The following PDCD1 variants were observed in gnomAD, a reference collection of about 807,000 sequenced individuals.
The protein encoded by PDCD1 is programmed cell death 1.
A neutral mutation model predicts 23.6 loss-of-function variants in PDCD1; 10 were observed. That is an observed-to-expected ratio of 0.42 (90% CI 0.26 to 0.72). The LOEUF is 0.72. PDCD1 is among the 30% of genes least tolerant of loss of function. PDCD1 has a pLI of 0.24. For synonymous variants in PDCD1, 168 were observed against 169.3 expected (o/e 0.99, Z 0.06); for missense variants, 313 against 397.8 (o/e 0.79, Z 1.81).
intron 1 of PDCD1, among the ~76,000 whole-genome samples, chr2:241,858,394 CATTCTACAGAA>C (rs1475978617): frequency 6.6e-6 from 1 of 152,222 alleles, no homozygotes; most frequent in Non-Finnish European, 1.5e-5. Flanking sequence ...CCTGACCCGT[CATTCTACAGAA>C]ACACGCAGCC....
intron 1 of PDCD1, among the ~76,000 whole-genome samples, chr2:241,854,602 G>A (rs536022800): frequency 6.6e-6 from 1 of 152,338 alleles, no homozygotes; most frequent in Admixed American, 6.5e-5. Flanking sequence ...GGCAGCCTGG[G>A]ACAGGGTGGG....
At chr2:241,858,684 C>T (rs1435062623) in intron 1 of PDCD1, 79 bp downstream of exon 1, 1 of 1,304,280 alleles carries the variant, frequency 7.7e-7, no homozygotes, top group South Asian at 1.3e-5. Context: ...CTCAGCACCC[C>T]CCGACCTGCC....
chr2:241,857,544 G>A (rs1016906058), intron 1 of PDCD1, among the ~76,000 whole-genome samples: 6 of 152,106 alleles, frequency 3.9e-5, no homozygotes, highest in African/African-American at 1.2e-4. Flanking sequence ...CCCCGCAGTC[G>A]TCTCCCTGGG....
At chr2:241,857,149 C>G (rs895480814) in intron 1 of PDCD1, among the ~76,000 whole-genome samples, 23 of 152,278 alleles carry the variant, frequency 1.5e-4, no homozygotes, top group Admixed American at 1.2e-3. Flanking sequence ...CGGGAATGAC[C>G]GAATGGCGAA....
At chr2:241,853,120 C>T (rs1374658850) in intron 1 of PDCD1, 140 bp from the exon 2 acceptor site, 20 of 1,007,350 alleles carry the variant, frequency 2.0e-5, no homozygotes, top group Non-Finnish European at 2.8e-5. Context: ...CTGCTGGGGC[C>T]TCTGCCACCC....
At chr2:241,851,686 C>T (rs541213904) in intron 4 of PDCD1, among the ~76,000 whole-genome samples, 12 of 149,892 alleles carry the variant, frequency 8.0e-5, no homozygotes, top group Non-Finnish European at 1.5e-4. Flanking sequence ...AGACCGCAGG[C>T]GGGCACACGC....
chr2:241,858,894 CG>C (rs1464994770), upstream of PDCD1: 7 of 1,467,108 alleles, frequency 4.8e-6, no homozygotes, highest in Non-Finnish European at 6.5e-6. Flanking sequence ...CGGAGGTGAG[CG>C]GAAGGGAAAC....
In PDCD1 at chr2:241,850,783, C is replaced by T; in HGVS notation, c.*275G>A. The T allele has an allele frequency of 1.6e-6, 1 of 643,360 alleles. No individual in the cohort carries two copies. The highest frequency in any genetic ancestry group is 1.7e-5 in the South Asian group (1 of 60,586). 39.9% of individuals were successfully genotyped at this position (643,360 alleles called of 1,614,324 possible). ...TTCAGGGAGCTGGACGCAGGCAGCT[C>T]TGTGCTGGCAGGACCTGAAGCAGTG... On this transcript the variant is annotated 3_prime_UTR_variant, in exon 5 of 5. Transcript: ENST00000334409.
At chr2:241,858,442 G>A (rs1381448388) in intron 1 of PDCD1, among the ~76,000 whole-genome samples, 1 of 152,220 alleles carries the variant, frequency 6.6e-6, no homozygotes, top group Non-Finnish European at 1.5e-5. Flanking sequence ...AGGGGACAGA[G>A]GTCCTGCCTG....
intron 1 of PDCD1, among the ~76,000 whole-genome samples, chr2:241,857,642 G>A (rs562019840): frequency 1.3e-3 from 199 of 152,334 alleles, no homozygotes; most frequent in African/African-American, 4.4e-3. Context: ...TTAAGAGGTG[G>A]CGCTGAGGCA....
intron 4 of PDCD1, 41 bp downstream of exon 4, chr2:241,851,908 G>A: frequency 1.9e-6 from 3 of 1,603,788 alleles, no homozygotes; most frequent in Non-Finnish European, 1.7e-6. Context: ...CACCCAGGAA[G>A]GAAGGCACAG....
intron 1 of PDCD1, 138 bp from the exon 2 acceptor site, chr2:241,853,118 G>A: frequency 9.6e-7 from 1 of 1,036,442 alleles, no homozygotes; most frequent in Non-Finnish European, 1.4e-6. Flanking sequence ...CTCTGCTGGG[G>A]CCTCTGCCAC....
chr2:241,857,543 C>T (rs957872910), intron 1 of PDCD1, among the ~76,000 whole-genome samples: 6 of 152,182 alleles, frequency 3.9e-5, no homozygotes, highest in African/African-American at 7.2e-5. Context: ...CCCCCGCAGT[C>T]GTCTCCCTGG....
Position 241,852,992 on chromosome 2 carries a change from A to T in PDCD1, c.77-12T>A, listed in dbSNP as rs2124861866. 1 of 1,543,580 alleles carries T rather than the reference A, an allele frequency of 6.5e-7. No homozygotes were observed. Among genetic ancestry groups the T allele is most frequent in the Non-Finnish European group, 8.7e-7 (1 of 1,149,596 alleles). On this transcript the variant is annotated splice_polypyrimidine_tract_variant and intron_variant, in intron 1 of 4. Coordinates refer to ENST00000334409, the MANE Select transcript of PDCD1 (RefSeq NM_005018.3). ...CCTGTCTGGGGAGTCTGAGAGATGG[A>T]GAGAGGTGAGGAAGGGGCTGGGTGG...
chr2:241,851,418 C>T lies in PDCD1; in HGVS notation c.628-121G>A. The stretch of plus-strand genomic sequence containing the variant: ...TGGGCCCCCCACTATGAGCTGCTTA[C>T]CCTGAGCTGTCCCACCACTGCCCTC... On this transcript the variant is annotated intron_variant, in intron 4 of 4. Transcript: ENST00000334409. 5.3e-6 allele frequency: 5 copies of T among 948,542 alleles called. No homozygotes were observed. The South Asian group carries it at 8.3e-5, about 16-fold the overall frequency. The allele number at this position is 948,542 out of a possible 1,614,324, so 58.8% of individuals were successfully genotyped here.
Position 241,850,913 on chromosome 2 carries a change from C to G in PDCD1, c.*145G>C. The G allele has an allele frequency of 2.0e-6, 2 of 993,186 alleles. No homozygotes were observed. The allele number at this position is 993,186 out of a possible 1,614,324, so 61.5% of individuals were successfully genotyped here. ...GGTGGGGCTGTGCCTGGTGCAGGTG[C>G]AGGCTGGAGCCCCGGTCGCCCCCAG... On this transcript the variant is annotated 3_prime_UTR_variant, in exon 5 of 5. Transcript: ENST00000334409.
Position 241,852,179 on chromosome 2 carries a change from G to C in PDCD1, c.592+19C>G. 6.2e-7 allele frequency: 1 copy of C among 1,604,098 alleles called. No homozygotes were observed. The highest frequency in any genetic ancestry group is 8.5e-7 in the Non-Finnish European group (1 of 1,177,228). ...GCAGGGTTAGGGCAGGGCAGGCCGAGGGGCTGGGATGACGTTACCTCGTGC... is the reference window on the plus strand; with the variant it reads ...GCAGGGTTAGGGCAGGGCAGGCCGACGGGCTGGGATGACGTTACCTCGTGC... On this transcript the variant is annotated intron_variant, in intron 3 of 4. Coordinates refer to ENST00000334409, the MANE Select transcript of PDCD1 (RefSeq NM_005018.3).
At chr2:241,852,574 C>T (rs1575400021) in intron 2 of PDCD1, 47 bp downstream of exon 2, 4 of 1,587,950 alleles carry the variant, frequency 2.5e-6, no homozygotes, top group East Asian at 4.5e-5. Context: ...ACACCCACCC[C>T]AGGACCGGCT....
intron 1 of PDCD1, among the ~76,000 whole-genome samples, chr2:241,858,513 G>C (rs181380861): frequency 7.9e-5 from 12 of 152,296 alleles, no homozygotes; most frequent in Admixed American, 6.5e-4. Flanking sequence ...AGGAACCCAG[G>C]AGTTCGAGCT....
Sources: allele counts gnomAD v4.1 joint callset (sites outside exome capture counted in the v4.1 genomes callset), GRCh38; gene constraint gnomAD v4.1.1; transcripts MANE v1.5; gene names NCBI Gene and HGNC (gene_info 2026-07-23, HGNC 2026-07-21).